Variants in HDAC9 observed in about 807,000 individuals in gnomAD.
The protein encoded by HDAC9 is MEF-2 interacting transcription repressor (MITR) protein.
In HDAC9, 41 loss-of-function variants were observed where a neutral mutation model predicts 139.4. The observed-to-expected ratio is 0.29, with a 90% CI of 0.23 to 0.38. The LOEUF (loss-of-function observed/expected upper bound fraction) is 0.38, where lower values mean the gene tolerates loss of function less well. Among genes scored for constraint, HDAC9 ranks in the 10% least tolerant of loss-of-function variants. The pLI is 1.00. For synonymous variants in HDAC9, 517 were observed against 476.2 expected (o/e 1.09, Z -1.12); for missense variants, 1,147 against 1,297.0 (o/e 0.88, Z 1.78).
chr7:18,357,801 C>T (rs1439495000), intron 1 of HDAC9, among the ~76,000 whole-genome samples: 1 of 152,066 alleles, frequency 6.6e-6, no homozygotes, highest in African/African-American at 2.4e-5. Context: ...GAACTAGTGT[C>T]TCAGTGTTTC....
In HDAC9 at chr7:18,642,535, A is replaced by G. The variant is rs183123080; in HGVS notation, c.913-2136A>G. 2.9e-4 allele frequency among the ~76,000 whole-genome samples: 44 copies of G among 152,196 alleles called. No individual in the cohort carries two copies. The Middle Eastern group carries it at 0.01, about 35-fold the overall frequency. ...TTTCCTCATCGACAGCATGAGCATAATGGTAGCTTGAGAGTGCCTGTGAAG... is the reference window on the plus strand; with the variant it reads ...TTTCCTCATCGACAGCATGAGCATAGTGGTAGCTTGAGAGTGCCTGTGAAG... On this transcript the variant is annotated intron_variant, in intron 8 of 25. Coordinates refer to ENST00000686413, the MANE Select transcript of HDAC9 (RefSeq NM_178425.4).
chr7:18,434,593 C>A (rs2128766815), intron 1 of HDAC9, among the ~76,000 whole-genome samples: 1 of 152,302 alleles, frequency 6.6e-6, no homozygotes, highest in South Asian at 2.1e-4. Flanking sequence ...CATGAACAGA[C>A]ACTTCTCAAA....
intron 12 of HDAC9, among the ~76,000 whole-genome samples, chr7:18,677,803 G>T (rs1157597196): frequency 6.6e-6 from 1 of 151,724 alleles, no homozygotes; most frequent in African/African-American, 2.4e-5. Flanking sequence ...TTTGTCATTG[G>T]CCTTCCATTT....
intron 15 of HDAC9, among the ~76,000 whole-genome samples, chr7:18,763,927 G>A (rs1789605753): frequency 6.6e-6 from 1 of 152,098 alleles, no homozygotes; most frequent in South Asian, 2.1e-4. Context: ...TTTGATATTT[G>A]AGAAGTGCTC....
At chr7:18,959,718 G>A (rs1433390845) in intron 24 of HDAC9, among the ~76,000 whole-genome samples, 1 of 152,114 alleles carries the variant, frequency 6.6e-6, no homozygotes, top group Non-Finnish European at 1.5e-5. Context: ...ACAACAAAGT[G>A]GCAAATAGGC....
At chr7:18,686,905 A>G (rs552277230) in intron 12 of HDAC9, among the ~76,000 whole-genome samples, 1 of 151,994 alleles carries the variant, frequency 6.6e-6, no homozygotes, top group Non-Finnish European at 1.5e-5. Flanking sequence ...TGTGCAAGGC[A>G]TTATTTTAAA....
At chr7:18,654,857 C>G (rs1045919405) in intron 11 of HDAC9, among the ~76,000 whole-genome samples, 1 of 152,136 alleles carries the variant, frequency 6.6e-6, no homozygotes, top group African/African-American at 2.4e-5. Flanking sequence ...AGTCTTTGCA[C>G]GTGGACCTGA....
intron 2 of HDAC9, among the ~76,000 whole-genome samples, chr7:18,497,454 G>A (rs570888964): frequency 6.2e-4 from 94 of 152,074 alleles, no homozygotes; most frequent in Non-Finnish European, 1.2e-3. Flanking sequence ...TTAAACCTTG[G>A]TTAGTTATGT....
At position 18,244,994 on chromosome 7, in the gene HDAC9, C is replaced by CCTCT. The variant is rs71553924; in HGVS notation, c.25+82645_25+82646insCTCT. 6.6e-3 allele frequency among the ~76,000 whole-genome samples: 975 copies of CCTCT among 148,038 alleles called. 36 individuals carry two copies. The East Asian group carries it at 0.092, about 14-fold the overall frequency. On this transcript the variant is annotated intron_variant, in intron 2 of 12. Transcript: ENST00000417496. Reference sequence around the variant, plus strand: ...ATACATCTCTCTATTATCTAATCTGCATCTATCTATCTATCTATCTATCTA... The same window carrying CCTCT: ...ATACATCTCTCTATTATCTAATCTGCCTCTATCTATCTATCTATCTATCTATCTA...
At chr7:18,990,791 G>T (rs888765823) in intron 25 of HDAC9, among the ~76,000 whole-genome samples, 1 of 152,222 alleles carries the variant, frequency 6.6e-6, no homozygotes, top group African/African-American at 2.4e-5. Flanking sequence ...GCAGTATTTG[G>T]GTGGGAGTGA....
At chr7:18,738,406 T>C (rs188590592) in intron 13 of HDAC9, among the ~76,000 whole-genome samples, 1,881 of 152,304 alleles carry the variant, frequency 0.012, 44 homozygotes, top group African/African-American at 0.043. Context: ...ACCAGTTGTT[T>C]CTTTCCATGT....
At chr7:18,663,663 C>T (rs1332479575) in intron 11 of HDAC9, among the ~76,000 whole-genome samples, 1 of 152,124 alleles carries the variant, frequency 6.6e-6, no homozygotes, top group Non-Finnish European at 1.5e-5. Flanking sequence ...CATTGGTCCA[C>T]TAGCTCTACT....
intron 22 of HDAC9, among the ~76,000 whole-genome samples, chr7:18,905,405 C>G (rs1414969136): frequency 1.3e-5 from 2 of 152,208 alleles, no homozygotes; most frequent in Non-Finnish European, 2.9e-5. Flanking sequence ...AAAGCTTCTT[C>G]ACGTAGATTT....
rs61095195 is a variant in HDAC9, at chr7:18,729,973, G to A, written c.1909+2216G>A. 3.9e-3 allele frequency among the ~76,000 whole-genome samples: 598 copies of A among 152,220 alleles called. 9 individuals carry two copies. Among genetic ancestry groups the A allele is most frequent in the African/African-American group, 0.014 (573 of 41,554 alleles). ...AAAATTACATTGTAACTATTGTTCCGCTAAAGGATAGCTAAGTTATTTACA... is the reference window on the plus strand; with the variant it reads ...AAAATTACATTGTAACTATTGTTCCACTAAAGGATAGCTAAGTTATTTACA... On this transcript the variant is annotated intron_variant, in intron 13 of 25. Transcript: ENST00000686413.
chr7:18,908,698 A>G (rs979090409), intron 22 of HDAC9, among the ~76,000 whole-genome samples: 1 of 151,946 alleles, frequency 6.6e-6, no homozygotes, highest in African/African-American at 2.4e-5. Context: ...CTCTTGGCTC[A>G]TCTAGAGCCA....
chr7:18,602,268 C>T (rs553860224), intron 6 of HDAC9, among the ~76,000 whole-genome samples: 1 of 151,922 alleles, frequency 6.6e-6, no homozygotes, highest in Admixed American at 6.6e-5. Context: ...CTTTATTATC[C>T]TTCTAACATC....
intron 1 of HDAC9, among the ~76,000 whole-genome samples, chr7:18,157,528 A>G (rs1249822453): frequency 1.3e-5 from 2 of 152,190 alleles, no homozygotes; most frequent in Admixed American, 6.5e-5. Context: ...ATCAAGAACA[A>G]ACAATTAATT....
At chr7:18,897,210 T>C (rs1482683590) in intron 22 of HDAC9, among the ~76,000 whole-genome samples, 1 of 152,024 alleles carries the variant, frequency 6.6e-6, no homozygotes, top group Non-Finnish European at 1.5e-5. Context: ...ATAGCTTTAC[T>C]GACATTTTTC....
chr7:18,397,893 C>T (rs997831129), intron 1 of HDAC9, among the ~76,000 whole-genome samples: 7 of 152,080 alleles, frequency 4.6e-5, no homozygotes, highest in Non-Finnish European at 7.4e-5. Flanking sequence ...AACAATGTCA[C>T]AAAGTAGCAG....
Sources: gnomAD v4.1 joint callset for allele counts (sites outside exome capture counted in the v4.1 genomes callset) on GRCh38, gnomAD v4.1.1 for gene constraint, MANE v1.5 for transcripts, NCBI Gene and HGNC (gene_info 2026-07-23, HGNC 2026-07-21) for gene names.